Variants in CNTN4 observed in about 807,000 individuals in gnomAD.
The protein encoded by CNTN4 is contactin 4.
A neutral mutation model predicts 122.5 loss-of-function variants in CNTN4; 77 were observed. The ratio of observed to expected loss-of-function variants is 0.63; its 90% CI spans 0.52 to 0.76. CNTN4 has a LOEUF of 0.76. CNTN4 is among the 30% of genes least tolerant of loss of function. CNTN4 has a pLI of 0.00. For missense variants in CNTN4, 1,256 were observed against 1,259.1 expected, an observed-to-expected ratio of 1.00 and a Z score of 0.04; for synonymous variants, 512 against 447.0, an observed-to-expected ratio of 1.15 and a Z score of -1.83.
chr3:3,010,532 A>T (rs1697125495), intron 14 of CNTN4, among the ~76,000 whole-genome samples: 2 of 152,208 alleles, frequency 1.3e-5, no homozygotes, highest in Admixed American at 6.5e-5. Flanking sequence ...TAGGACTCTA[A>T]AAGGATCATT....
intron 20 of CNTN4, chr3:3,040,985 T>C (rs1424436072): frequency 6.6e-6 from 1 of 152,598 alleles, no homozygotes; most frequent in African/African-American, 2.4e-5. Context: ...AGCAGTGTGA[T>C]TGCGCTCACT....
chr3:2,750,141 T>G (rs1015246253), intron 6 of CNTN4, among the ~76,000 whole-genome samples: 1 of 152,202 alleles, frequency 6.6e-6, no homozygotes, highest in Admixed American at 6.5e-5. Context: ...TAATACATAG[T>G]TAAGAAGCTA....
chr3:2,108,533 A>G (rs1267219834), intron 2 of CNTN4, among the ~76,000 whole-genome samples: 1 of 152,022 alleles, frequency 6.6e-6, no homozygotes, highest in Non-Finnish European at 1.5e-5. Context: ...TTAACATGCC[A>G]CTCGGTGCAA....
At chr3:2,867,839 C>G (rs945621973) in intron 8 of CNTN4, among the ~76,000 whole-genome samples, 4 of 152,066 alleles carry the variant, frequency 2.6e-5, no homozygotes, top group African/African-American at 9.7e-5. Flanking sequence ...CACTGTCTGT[C>G]TTACTAGCAA....
intron 6 of CNTN4, among the ~76,000 whole-genome samples, chr3:2,751,448 C>T (rs1475374569): frequency 6.6e-6 from 1 of 152,208 alleles, no homozygotes; most frequent in Non-Finnish European, 1.5e-5. Context: ...CAAAGGAAAG[C>T]TCCTTTGAGC....
At position 3,003,894 on chromosome 3, in the gene CNTN4, C is replaced by T. The variant is rs535410326; in HGVS notation, c.1486+15422C>T. 3.9e-5 allele frequency among the ~76,000 whole-genome samples: 6 copies of T among 151,966 alleles called. No homozygotes were observed. The South Asian group carries it at 8.3e-4, about 21-fold the overall frequency. The stretch of plus-strand genomic sequence containing the variant: ...CCCACTAGGTAGCTGGGATTACAGG[C>T]GCACGCCAGCACGCCACCAAGCCCT... On this transcript the variant is annotated intron_variant, in intron 14 of 24. Transcript: ENST00000418658.
intron 10 of CNTN4, among the ~76,000 whole-genome samples, chr3:2,889,116 T>C (rs1286255035): frequency 6.6e-6 from 1 of 152,186 alleles, no homozygotes; most frequent in African/African-American, 2.4e-5. Flanking sequence ...TCACGTAACA[T>C]TTTTTAAATC....
At chr3:2,528,351 A>G (rs1312345382) in intron 3 of CNTN4, among the ~76,000 whole-genome samples, 1 of 152,178 alleles carries the variant, frequency 6.6e-6, no homozygotes, top group Non-Finnish European at 1.5e-5. Flanking sequence ...TCATATGTGG[A>G]GAAATCAGGA....
chr3:2,485,760 C>T, intron 3 of CNTN4, among the ~76,000 whole-genome samples: 1 of 152,130 alleles, frequency 6.6e-6, no homozygotes, highest in East Asian at 1.9e-4. Context: ...CCAATCAGTG[C>T]TCTGTGTCTA....
At chr3:2,885,151 G>A (rs1018369546) in intron 9 of CNTN4, among the ~76,000 whole-genome samples, 1 of 152,140 alleles carries the variant, frequency 6.6e-6, no homozygotes, top group Non-Finnish European at 1.5e-5. Flanking sequence ...CAAGTCTTTA[G>A]TCTAATTACT....
chr3:2,781,955 C>A (rs963714430), intron 6 of CNTN4, among the ~76,000 whole-genome samples: 2 of 149,568 alleles, frequency 1.3e-5, no homozygotes, highest in Non-Finnish European at 3.0e-5. Context: ...GATCTCCTGA[C>A]CTCGTGATCC....
chr3:2,324,274 GAAGA>G (rs1296561404), intron 2 of CNTN4, among the ~76,000 whole-genome samples: 1 of 69,136 alleles, frequency 1.4e-5, no homozygotes, highest in African/African-American at 4.1e-5. Context: ...AAGAATGATA[GAAGA>G]AATAACTGGA....
chr3:2,562,860 G>T (rs574791263), intron 3 of CNTN4, among the ~76,000 whole-genome samples: 1 of 152,050 alleles, frequency 6.6e-6, no homozygotes, highest in Non-Finnish European at 1.5e-5. Context: ...AGTAACTGGG[G>T]CTAAAGGCAG....
At chr3:3,009,056 G>A (rs1322736641) in intron 14 of CNTN4, 7 of 985,108 alleles carry the variant, frequency 7.1e-6, no homozygotes, top group Non-Finnish European at 8.4e-6. Context: ...CAGTGAGCAA[G>A]TGGCAAGAGC....
At chr3:2,692,591 A>C (rs1391847712) in intron 4 of CNTN4, among the ~76,000 whole-genome samples, 1 of 152,316 alleles carries the variant, frequency 6.6e-6, no homozygotes, top group African/African-American at 2.4e-5. Context: ...ATATCCGGCA[A>C]CAGTATATCA....
intron 2 of CNTN4, among the ~76,000 whole-genome samples, chr3:2,224,813 A>G (rs1162798620): frequency 6.6e-6 from 1 of 152,150 alleles, no homozygotes; most frequent in Non-Finnish European, 1.5e-5. Flanking sequence ...TCAATCTGTA[A>G]AAGTCATATT....
chr3:2,834,163 A>T (rs953781747), intron 7 of CNTN4, among the ~76,000 whole-genome samples: 1 of 151,958 alleles, frequency 6.6e-6, no homozygotes, highest in Non-Finnish European at 1.5e-5. Context: ...TAAATAAAAA[A>T]TAATAATTAA....
intron 2 of CNTN4, among the ~76,000 whole-genome samples, chr3:2,134,490 G>T (rs2034593582): frequency 6.6e-6 from 1 of 152,202 alleles, no homozygotes; most frequent in Admixed American, 6.5e-5. Context: ...TATTGTGAAT[G>T]ATGGTGTAAT....
chr3:2,291,561 A>G (rs1408453115), intron 2 of CNTN4, among the ~76,000 whole-genome samples: 2 of 151,994 alleles, frequency 1.3e-5, no homozygotes, highest in Non-Finnish European at 2.9e-5. Context: ...TTTTTTCCCT[A>G]CTGTTTATTC....
Sources: allele counts gnomAD v4.1 joint callset (sites outside exome capture counted in the v4.1 genomes callset), GRCh38; gene constraint gnomAD v4.1.1; transcripts MANE v1.5; gene names NCBI Gene and HGNC (gene_info 2026-07-23, HGNC 2026-07-21).